CEP350: variants seen among roughly 807,000 people sequenced by gnomAD.
CEP350 encodes the protein centrosome-associated protein 350.
CEP350 carries 126 observed loss-of-function variants against 331.8 expected under a neutral mutation model. That is an observed-to-expected ratio of 0.38 (90% CI 0.33 to 0.44). CEP350 has a LOEUF of 0.44. Among genes scored for constraint, CEP350 ranks in the 20% least tolerant of loss-of-function variants. The pLI is 1.00. For missense variants in CEP350, 3,406 were observed against 3,634.6 expected (o/e 0.94, Z 1.62); for synonymous variants, 1,200 against 1,259.5 (o/e 0.95, Z 1.00).
At chr1:180,109,622 A>G (rs1661367229) in intron 37 of CEP350, among the ~76,000 whole-genome samples, 1 of 151,600 alleles carries the variant, frequency 6.6e-6, no homozygotes, top group African/African-American at 2.4e-5. Context: ...TAGCAAATCT[A>G]ATGTGTTTTT....
intron 33 of CEP350, among the ~76,000 whole-genome samples, chr1:180,092,027 G>T (rs1660226728): frequency 2.1e-5 from 3 of 145,622 alleles, no homozygotes; most frequent in Non-Finnish European, 1.5e-5. Flanking sequence ...TTAGGTGACA[G>T]AGCAGATTCT....
chr1:180,054,517 G>T lies in CEP350; in HGVS notation c.5262+15G>T. ...AGCAAGAAAAGGTATGTTAGGGAAG[G>T]CACCCCTTTAGGACAGCTTATAAGG... On this transcript the variant is annotated intron_variant, in intron 25 of 37. Coordinates refer to ENST00000367607, the MANE Select transcript of CEP350 (RefSeq NM_014810.5). The T allele has an allele frequency of 1.3e-6, 2 of 1,577,884 alleles. No individual in the cohort carries two copies. The highest frequency in any genetic ancestry group is 1.7e-6 in the Non-Finnish European group (2 of 1,157,322).
chr1:180,111,298 T>A lies in CEP350; in HGVS notation c.*137T>A, dbSNP rs1661458355. The A allele has an allele frequency of 9.8e-7, 1 of 1,019,932 alleles. No homozygotes were observed. Among genetic ancestry groups the A allele is most frequent in the African/African-American group, 1.6e-5 (1 of 61,810 alleles). 63.2% of individuals were successfully genotyped at this position (1,019,932 alleles called of 1,614,324 possible). Reference sequence around the variant, plus strand: ...TTCTTAAAGACTACCAGTATGGAGTTCATAGGACAATGTGGTACACCTGGT... The same window carrying A: ...TTCTTAAAGACTACCAGTATGGAGTACATAGGACAATGTGGTACACCTGGT... On this transcript the variant is annotated 3_prime_UTR_variant, in exon 38 of 38. Transcript: ENST00000367607.
chr1:179,990,636 A>T lies in CEP350; in HGVS notation c.235+15A>T. On this transcript the variant is annotated intron_variant, in intron 4 of 37. Coordinates refer to ENST00000367607, the MANE Select transcript of CEP350 (RefSeq NM_014810.5). ...AAGTAGAAAAGGTATGTATGAAGTT[A>T]CTTCCAAATATATACATATATTAAA... The T allele has an allele frequency of 7.4e-7, 1 of 1,344,530 alleles. No homozygotes were observed. The highest frequency in any genetic ancestry group is 1.5e-5 in the African/African-American group (1 of 68,610). The allele number at this position is 1,344,530 out of a possible 1,614,324, so 83.3% of individuals were successfully genotyped here. A position where few individuals can be genotyped will look rare whatever the true frequency, so the allele number is the denominator to read the frequency against.
At chr1:180,058,435 A>T (rs933642528) in intron 25 of CEP350, among the ~76,000 whole-genome samples, 1 of 152,246 alleles carries the variant, frequency 6.6e-6, no homozygotes, top group African/African-American at 2.4e-5. Context: ...CAAAGAATAT[A>T]TACAGTATTA....
At chr1:179,998,314 T>C (rs1653618549) in intron 6 of CEP350, among the ~76,000 whole-genome samples, 1 of 148,266 alleles carries the variant, frequency 6.7e-6, no homozygotes, top group Non-Finnish European at 1.5e-5. Flanking sequence ...TTTTTTTTTT[T>C]TTTTTTTTTT....
intron 29 of CEP350, among the ~76,000 whole-genome samples, chr1:180,080,280 AT>A (rs1659486658): frequency 6.6e-6 from 1 of 151,828 alleles, no homozygotes; most frequent in African/African-American, 2.4e-5. Context: ...CTCTTTTATA[AT>A]TTTTTTCTAT....
At chr1:180,100,082 A>G (rs1660714964) in intron 37 of CEP350, among the ~76,000 whole-genome samples, 1 of 152,164 alleles carries the variant, frequency 6.6e-6, no homozygotes, top group South Asian at 2.1e-4. Flanking sequence ...CACCGCGCCC[A>G]GTGTCTTATG....
intron 1 of CEP350, among the ~76,000 whole-genome samples, chr1:179,974,173 G>A (rs1330098137): frequency 2.0e-5 from 3 of 151,882 alleles, no homozygotes; most frequent in Admixed American, 2.0e-4. Flanking sequence ...TCTGCCTCTC[G>A]GGTTCATGCC....
At chr1:179,955,665 TGTCA>T (rs1650120586) in intron 1 of CEP350, among the ~76,000 whole-genome samples, 1 of 152,248 alleles carries the variant, frequency 6.6e-6, no homozygotes, top group Admixed American at 6.5e-5. Flanking sequence ...TTTTGGAAGT[TGTCA>T]GTATTTTCCT....
At chr1:180,069,354 A>G (rs1290949219) in intron 27 of CEP350, among the ~76,000 whole-genome samples, 1 of 152,224 alleles carries the variant, frequency 6.6e-6, no homozygotes, top group African/African-American at 2.4e-5. Flanking sequence ...CAATGTCGAA[A>G]TCTTCACCAT....
Position 179,959,047 on chromosome 1 carries a change from G to A in CEP350, c.-14+3905G>A, listed in dbSNP as rs1401388578. Among the ~76,000 whole-genome samples the A allele has an allele frequency of 3.9e-5, 6 of 152,048 alleles. No individual in the cohort carries two copies. In the East Asian group the frequency reaches 1.2e-3, roughly 29 times the overall value. On this transcript the variant is annotated intron_variant, in intron 1 of 37. Transcript: ENST00000367607. ...TGAAACTTTTTTCTAAAAAAAGGAA[G>A]TAAATTTTTTCTTCTATTAAATAGT... is the stretch of plus-strand genomic sequence containing the variant.
rs750415688 is a variant in CEP350 at position 180,094,055 on chromosome 1, T to G, written c.7950T>G (p.His2650Gln). The G allele has an allele frequency of 1.2e-6, 2 of 1,613,856 alleles. No homozygotes were observed. The highest frequency in any genetic ancestry group is 2.7e-5 in the African/African-American group (2 of 75,050). Residue 2650 changes from histidine (H) to glutamine (Q), a missense_variant, in exon 34 of 38, where the codon CAT becomes CAG. By Grantham distance (24) the His-to-Gln change is conservative (BLOSUM62 0). This residue lies in a region of CEP350 where 1,415 missense variants were observed against 1,512.3 expected (regional missense o/e 0.94). Coordinates refer to ENST00000367607, the MANE Select transcript of CEP350 (RefSeq NM_014810.5). Reference sequence around the variant, plus strand: ...ACATTTCTGGGGTACTTGAAGCCCATGTTCACCAGCAGTCTTCAGTGGATT... The same window carrying G: ...ACATTTCTGGGGTACTTGAAGCCCAGGTTCACCAGCAGTCTTCAGTGGATT... ...VQDISGVLEA[H>Q]VHQQSSVDSQ...
chr1:180,097,298 G>A (rs976498474), intron 36 of CEP350, among the ~76,000 whole-genome samples: 1 of 152,172 alleles, frequency 6.6e-6, no homozygotes, highest in Non-Finnish European at 1.5e-5. Context: ...CACATGGCCC[G>A]CAAAGCCTAA....
intron 27 of CEP350, among the ~76,000 whole-genome samples, chr1:180,070,204 A>G (rs1020715571): frequency 6.6e-6 from 1 of 152,256 alleles, no homozygotes; most frequent in Non-Finnish European, 1.5e-5. Flanking sequence ...CTAAACAAAT[A>G]TAGAACTGTA....
chr1:180,036,792 G>A, intron 16 of CEP350, 134 bp from the exon 17 acceptor site: 2 of 842,036 alleles, frequency 2.4e-6, no homozygotes, highest in Non-Finnish European at 3.5e-6. Context: ...TATCTCCAAG[G>A]TATTCTGTAC....
At chr1:180,097,746 G>A (rs1480839419) in intron 36 of CEP350, among the ~76,000 whole-genome samples, 1 of 152,086 alleles carries the variant, frequency 6.6e-6, no homozygotes, top group Non-Finnish European at 1.5e-5. Flanking sequence ...AATATTGTTA[G>A]TAGTAAAATT....
chr1:180,034,178 ATAT>A lies in CEP350; in HGVS notation c.3946+101_3946+103del, dbSNP rs1288216007. The A allele has an allele frequency of 2.2e-6, 3 of 1,340,266 alleles. No homozygotes were observed. In the African/African-American group the frequency reaches 4.5e-5, roughly 20 times the overall value. 83.0% of individuals were successfully genotyped at this position (1,340,266 alleles called of 1,614,324 possible). On this transcript the variant is annotated intron_variant, in intron 16 of 37. Coordinates refer to ENST00000367607, the MANE Select transcript of CEP350 (RefSeq NM_014810.5). ...TTTGTTTGAGTTGAGTCATAGAGAAATATTATTTCAAGTGAATATGATTACTTT... is the reference window on the plus strand; with the variant it reads ...TTTGTTTGAGTTGAGTCATAGAGAAATATTTCAAGTGAATATGATTACTTT...
Position 180,053,177 on chromosome 1 carries a change from C to G in CEP350, c.4989+11C>G, listed in dbSNP as rs377364545. The G allele has an allele frequency of 2.7e-6, 4 of 1,502,100 alleles. No homozygotes were observed. The African/African-American group carries it at 5.7e-5, about 21-fold the overall frequency. 93.0% of individuals were successfully genotyped at this position (1,502,100 alleles called of 1,614,324 possible). On this transcript the variant is annotated intron_variant, in intron 23 of 37. Transcript: ENST00000367607. ...CTGTCTACTGCCAAGGTGTGTTTCA[C>G]TTTATCTGTGGAGGTAAATGGTTGT... is the stretch of plus-strand genomic sequence containing the variant.
Sources: allele counts gnomAD v4.1 joint callset (sites outside exome capture counted in the v4.1 genomes callset), GRCh38; gene constraint gnomAD v4.1.1; regional missense constraint gnomAD v4.1.1; transcripts MANE v1.5; gene names NCBI Gene and HGNC (gene_info 2026-07-23, HGNC 2026-07-21).